MERTK: variants seen among roughly 807,000 people sequenced by gnomAD.
MERTK encodes MER proto-oncogene, tyrosine kinase.
MERTK carries 69 observed loss-of-function variants against 99.3 expected under a neutral mutation model. The observed-to-expected ratio is 0.70, with a 90% CI of 0.57 to 0.85. The LOEUF (loss-of-function observed/expected upper bound fraction) is 0.85. MERTK is among the 40% of genes least tolerant of loss of function. MERTK has a pLI of 0.00. For missense variants in MERTK, 1,125 were observed against 1,249.4 expected (o/e 0.90, Z 1.50); for synonymous variants, 426 against 467.6 (o/e 0.91, Z 1.15).
chr2:111,970,773 TCCTCCTCCTCCTCCCTCCTCCTCCTCCCC>T (rs1676096458), intron 6 of MERTK, among the ~76,000 whole-genome samples: 1 of 29,406 alleles, frequency 3.4e-5, no homozygotes, highest in Non-Finnish European at 7.4e-5. Context: ...TCCTCCTCCC[TCCTCCTCCTCCTCCCTCCTCCTCCTCCCC>T]CCTCCTCCTC....
rs61232340 is a variant in MERTK at position 111,905,433 on chromosome 2, C to CTTTTTTT, written c.61+6654_61+6660dup. 3.2e-3 allele frequency among the ~76,000 whole-genome samples: 270 copies of CTTTTTTT among 85,206 alleles called. 3 individuals are homozygous for CTTTTTTT. The highest frequency in any genetic ancestry group is 0.016 in the Middle Eastern group (1 of 64). 55.9% of individuals were successfully genotyped at this position (85,206 alleles called of 152,430 possible). On this transcript the variant is annotated intron_variant, in intron 1 of 18. Coordinates refer to ENST00000295408, the MANE Select transcript of MERTK (RefSeq NM_006343.3). ...ATTTCATTGAGAAACCTACACTGTT[C>CTTTTTTT]TTTTTTTTTTTTTTTTTTTTTTTGA...
At chr2:111,902,934 A>G (rs1684072916) in intron 1 of MERTK, among the ~76,000 whole-genome samples, 1 of 151,956 alleles carries the variant, frequency 6.6e-6, no homozygotes, top group Admixed American at 6.6e-5. Context: ...ACCTGCCACC[A>G]CAGCTGGCTA....
intron 7 of MERTK, among the ~76,000 whole-genome samples, chr2:111,981,654 A>G (rs1404971333): frequency 6.6e-6 from 1 of 152,206 alleles, no homozygotes; most frequent in Non-Finnish European, 1.5e-5. Flanking sequence ...TTTAATAGAT[A>G]TAGTTAAGTT....
In MERTK at chr2:111,947,447, G is replaced by A. The variant is rs1684980352; in HGVS notation, c.637G>A (p.Ala213Thr). The change falls in exon 4 of 19, where the codon GCC (alanine) becomes ACC (threonine). Residue 213 changes from alanine (A) to threonine (T), a missense_variant. By Grantham distance (58) the Ala-to-Thr change is moderately conservative. Coordinates refer to ENST00000295408, the MANE Select transcript of MERTK (RefSeq NM_006343.3). Reference sequence around the variant, plus strand: ...GAGCATGAATGTCACCAGAAACACAGCCTTCAACCTCACCTGTCAGGCTGT... The same window carrying A: ...GAGCATGAATGTCACCAGAAACACAACCTTCAACCTCACCTGTCAGGCTGT... ...PESMNVTRNT[A>T]FNLTCQAVGP... 5 of 1,614,108 alleles carry A rather than the reference G, an allele frequency of 3.1e-6. No homozygotes were observed. The highest frequency in any genetic ancestry group is 3.4e-6 in the Non-Finnish European group (4 of 1,180,026).
At position 112,028,897 on chromosome 2, in the gene MERTK, G is replaced by T; in HGVS notation, c.*33G>T. The T allele has an allele frequency of 4.3e-6, 7 of 1,613,232 alleles. No homozygotes were observed. Among genetic ancestry groups the T allele is most frequent in the Non-Finnish European group, 5.9e-6 (7 of 1,180,030 alleles). On this transcript the variant is annotated 3_prime_UTR_variant, in exon 19 of 19. Coordinates refer to ENST00000295408, the MANE Select transcript of MERTK (RefSeq NM_006343.3). Reference sequence around the variant, plus strand: ...TGCGGGGAGACATTCCAAAAATCAAGCCAATTCTTCTGCTGTAGGAGAATC... The same window carrying T: ...TGCGGGGAGACATTCCAAAAATCAATCCAATTCTTCTGCTGTAGGAGAATC...
chr2:112,009,670 G>A (rs1295826283), intron 14 of MERTK, among the ~76,000 whole-genome samples: 1 of 152,106 alleles, frequency 6.6e-6, no homozygotes, highest in Non-Finnish European at 1.5e-5. Context: ...CTCAGACTCA[G>A]TGGAACAGAA....
At chr2:112,022,162 C>G (rs1677365202) in intron 17 of MERTK, 96 bp from the exon 18 acceptor site, 1 of 1,542,048 alleles carries the variant, frequency 6.5e-7, no homozygotes, top group African/African-American at 1.4e-5. Context: ...TGTGCATGAT[C>G]ATCAGTGTTT....
chr2:111,941,137 C>A (rs1323422518), intron 2 of MERTK: 1 of 351,548 alleles, frequency 2.8e-6, no homozygotes, highest in Non-Finnish European at 5.4e-6. Context: ...AAATGCCATT[C>A]TTTTTCCTAC....
rs150870104 is a variant in MERTK at position 111,929,165 on chromosome 2, C to T, written c.107C>T (p.Pro36Leu). 2.0e-4 allele frequency: 318 copies of T among 1,614,146 alleles called. 1 individual carries two copies. The African/African-American group carries it at 3.5e-3, about 18-fold the overall frequency. ...GAAGCCAAGCCTTACCCGCTATTCC[C>T]GGGACCTTTTCCAGGGAGCCTGCAA... ...REEAKPYPLF[P>L]GPFPGSLQTD... The change falls in exon 2 of 19, where the codon CCG becomes CTG. Residue 36 changes from proline (P) to leucine (L), a missense_variant. Pro to Leu is a moderately conservative substitution (Grantham distance 98). Coordinates refer to ENST00000295408, the MANE Select transcript of MERTK (RefSeq NM_006343.3).
At chr2:111,935,678 TG>T (rs1684752448) in intron 2 of MERTK, among the ~76,000 whole-genome samples, 1 of 145,528 alleles carries the variant, frequency 6.9e-6, no homozygotes, top group South Asian at 2.1e-4. Context: ...TGTGTGTGTG[TG>T]TGTGTGTTTA....
At chr2:111,996,239 T>C (rs1376266698) in intron 9 of MERTK, 5 of 154,444 alleles carry the variant, frequency 3.2e-5, no homozygotes, top group Admixed American at 2.0e-4. Context: ...ATAGTTCCAA[T>C]TTTAGTTACC....
chr2:111,902,142 C>T (rs1684055929), intron 1 of MERTK, among the ~76,000 whole-genome samples: 1 of 152,218 alleles, frequency 6.6e-6, no homozygotes. Flanking sequence ...GCCTTGGCCT[C>T]CCAAAGTGCT....
intron 9 of MERTK, 117 bp from the exon 10 acceptor site, chr2:111,997,206 T>C: frequency 8.3e-7 from 1 of 1,206,388 alleles, no homozygotes; most frequent in Non-Finnish European, 1.2e-6. Flanking sequence ...CCTATATTTG[T>C]AGATTATAAA....
intron 7 of MERTK, among the ~76,000 whole-genome samples, chr2:111,977,233 C>G (rs902720138): frequency 1.3e-5 from 2 of 151,974 alleles, no homozygotes; most frequent in African/African-American, 4.8e-5. Context: ...CTCCTGTAGT[C>G]TGGGGAAAAA....
intron 1 of MERTK, among the ~76,000 whole-genome samples, chr2:111,914,197 C>A (rs1395475211): frequency 6.6e-6 from 1 of 150,786 alleles, no homozygotes; most frequent in African/African-American, 2.4e-5. Flanking sequence ...CTCTGCCTCC[C>A]AGGTTCAAGT....
chr2:111,919,655 G>A (rs1346902734), intron 1 of MERTK, among the ~76,000 whole-genome samples: 1 of 151,946 alleles, frequency 6.6e-6, no homozygotes, highest in Non-Finnish European at 1.5e-5. Flanking sequence ...GTGAAAAAGT[G>A]GGGGACAGGC....
intron 15 of MERTK, chr2:112,015,796 T>C (rs1017855289): frequency 4.5e-5 from 7 of 154,326 alleles, no homozygotes; most frequent in Non-Finnish European, 1.0e-4. Flanking sequence ...ATTATGTTCT[T>C]TTACATTTTA....
At chr2:112,014,082 C>T (rs536170564) in intron 15 of MERTK, among the ~76,000 whole-genome samples, 6 of 147,852 alleles carry the variant, frequency 4.1e-5, no homozygotes, top group South Asian at 2.1e-4. Flanking sequence ...AGTGCAGTGG[C>T]GTGATCTCAG....
At chr2:112,008,838 G>C (rs1677039609) in intron 14 of MERTK, 1 of 317,724 alleles carries the variant, frequency 3.1e-6, no homozygotes, top group African/African-American at 2.1e-5. Flanking sequence ...GGATAAAGGT[G>C]AAAAAGTAGG....
Sources: allele counts gnomAD v4.1 joint callset (sites outside exome capture counted in the v4.1 genomes callset), GRCh38; gene constraint gnomAD v4.1.1; transcripts MANE v1.5; gene names NCBI Gene and HGNC (gene_info 2026-07-23, HGNC 2026-07-21).